HMCN1: variants seen among roughly 807,000 people sequenced by gnomAD.
HMCN1 encodes the protein hemicentin 1, also known as hemicentin-1.
HMCN1 carries 321 observed loss-of-function variants against 625.9 expected under a neutral mutation model. The ratio of observed to expected loss-of-function variants is 0.51; its 90% CI spans 0.47 to 0.56. The LOEUF is 0.56. HMCN1 is among the 20% of genes least tolerant of loss of function. The pLI, the probability that HMCN1 is intolerant of heterozygous loss-of-function variation, is 0.00. For synonymous variants in HMCN1, 2,425 were observed against 2,417.6 expected (o/e 1.00, Z -0.09); for missense variants, 6,588 against 6,887.3 (o/e 0.96, Z 1.54).
rs563634091 is a variant in HMCN1, at chr1:185,865,715, GTTTCT to G, written c.499-22_499-18del. The G allele has an allele frequency of 6.2e-3, 9,392 of 1,524,810 alleles. 379 individuals carry two copies. The highest frequency in any genetic ancestry group is 0.012 in the Middle Eastern group (69 of 5,750). The allele number at this position is 1,524,810 out of a possible 1,614,324, so 94.5% of individuals were successfully genotyped here. ...TTTATTTCTGGAAACCCTTTACACT[GTTTCT>G]TTTTTTTTTTTTAATCATAGGTCGT... On this transcript the variant is annotated intron_variant, in intron 3 of 106. Coordinates refer to ENST00000271588, the MANE Select transcript of HMCN1 (RefSeq NM_031935.3).
intron 3 of HMCN1, 56 bp downstream of exon 3, chr1:185,864,684 C>T (rs1663072003): frequency 1.3e-6 from 2 of 1,526,042 alleles, no homozygotes; most frequent in Non-Finnish European, 9.1e-7. Context: ...TAAGAGATTG[C>T]CTGTCCTCTT....
chr1:185,809,523 T>A (rs12164583), intron 1 of HMCN1, among the ~76,000 whole-genome samples: 8,863 of 151,602 alleles, frequency 0.058, 868 homozygotes, highest in African/African-American at 0.2. Context: ...TATATATATA[T>A]AATTAATATT....
At chr1:186,077,674 C>A (rs370493916) in intron 54 of HMCN1, among the ~76,000 whole-genome samples, 3 of 152,230 alleles carry the variant, frequency 2.0e-5, no homozygotes, top group African/African-American at 7.2e-5. Flanking sequence ...ATACAGCTAT[C>A]CTCATAAGAA....
chr1:186,024,727 A>C (rs1654949510), intron 36 of HMCN1, among the ~76,000 whole-genome samples: 2 of 152,206 alleles, frequency 1.3e-5, no homozygotes, highest in Non-Finnish European at 2.9e-5. Context: ...AATAAATGTT[A>C]GCAGCTAACT....
chr1:185,820,436 C>G (rs1430971461), intron 1 of HMCN1, among the ~76,000 whole-genome samples: 1 of 152,032 alleles, frequency 6.6e-6, no homozygotes, highest in Non-Finnish European at 1.5e-5. Flanking sequence ...AAATAAGAAG[C>G]TGAGACAGCC....
intron 4 of HMCN1, among the ~76,000 whole-genome samples, chr1:185,875,782 G>T (rs1278468611): frequency 6.6e-6 from 1 of 151,882 alleles, no homozygotes; most frequent in Non-Finnish European, 1.5e-5. Flanking sequence ...TTGATATCAT[G>T]ATTCAGTTAT....
intron 14 of HMCN1, among the ~76,000 whole-genome samples, chr1:185,967,231 C>T (rs989239534): frequency 3.4e-4 from 52 of 152,088 alleles, no homozygotes; most frequent in African/African-American, 1.2e-3. Flanking sequence ...GTGTATATAG[C>T]AGAGTCTCAC....
chr1:186,173,783 A>T (rs1262663630), intron 102 of HMCN1, among the ~76,000 whole-genome samples: 4 of 152,188 alleles, frequency 2.6e-5, no homozygotes, highest in Non-Finnish European at 4.4e-5. Context: ...TTGAAAGATC[A>T]GAAACTTTTT....
rs1478960911 is a variant in HMCN1, at chr1:186,115,355, A to T, written c.11502A>T (p.Ser3834=). The T allele has an allele frequency of 6.2e-7, 1 of 1,614,004 alleles. No homozygotes were observed. Among genetic ancestry groups the T allele is most frequent in the Admixed American group, 1.7e-5 (1 of 60,022 alleles). The change falls in exon 75 of 107, where the codon TCA becomes TCT. Residue 3834 remains serine (S), a synonymous_variant. Transcript: ENST00000271588. ...AGGCTACTGGGATACCAAAACCATC[A>T]ATCAATTGGAGAAAAAATGGGCATC... ...ACEATGIPKP[S]INWRKNGHLL... is the part of the protein sequence containing the mutation.
intron 18 of HMCN1, 117 bp downstream of exon 18, chr1:185,982,506 T>C (rs568272946): frequency 7.1e-5 from 68 of 962,972 alleles, no homozygotes; most frequent in Non-Finnish European, 1.1e-4. Context: ...AGTGGTGGGA[T>C]CTAGGCTCAC....
intron 10 of HMCN1, 74 bp from the exon 11 acceptor site, chr1:185,933,475 G>T: frequency 5.4e-6 from 8 of 1,481,000 alleles, no homozygotes; most frequent in Non-Finnish European, 6.6e-6. Flanking sequence ...TACTTATTCA[G>T]TTTTTAAACC....
intron 67 of HMCN1, 73 bp downstream of exon 67, chr1:186,094,446 G>T: frequency 9.7e-7 from 1 of 1,029,210 alleles, no homozygotes; most frequent in Non-Finnish European, 1.5e-6. Context: ...TTTAGAAACC[G>T]ACTTCCTCAG....
intron 1 of HMCN1, among the ~76,000 whole-genome samples, chr1:185,835,502 T>G (rs1175917014): frequency 2.0e-5 from 3 of 152,172 alleles, no homozygotes; most frequent in Non-Finnish European, 4.4e-5. Flanking sequence ...ATGTATGTAT[T>G]CTGTCTTGGG....
chr1:186,019,887 G>T (rs1654606650), intron 35 of HMCN1, among the ~76,000 whole-genome samples, 192 bp downstream of exon 35: 1 of 151,942 alleles, frequency 6.6e-6, no homozygotes, highest in Non-Finnish European at 1.5e-5. Context: ...TGGAATTAAA[G>T]ACTAACTTTA....
chr1:186,117,637 CA>C lies in HMCN1; in HGVS notation c.11848+15del, dbSNP rs1321717539. 17 of 1,609,214 alleles carry C rather than the reference CA, an allele frequency of 1.1e-5. No homozygotes were observed. Among genetic ancestry groups the C allele is most frequent in the Non-Finnish European group, 1.3e-5 (15 of 1,175,742 alleles). ...TTCTGTCCTCAGGTAAGACCAAGCT[CA>C]GTGATTTCACATCTATTGATTGTAT... On this transcript the variant is annotated intron_variant, in intron 77 of 106. Coordinates refer to ENST00000271588, the MANE Select transcript of HMCN1 (RefSeq NM_031935.3).
At chr1:185,948,957 G>C (rs542737455) in intron 11 of HMCN1, among the ~76,000 whole-genome samples, 1 of 151,406 alleles carries the variant, frequency 6.6e-6, no homozygotes, top group Non-Finnish European at 1.5e-5. Flanking sequence ...AGCATTTGTC[G>C]TATAGAATGA....
intron 1 of HMCN1, among the ~76,000 whole-genome samples, chr1:185,789,612 A>AATGACAT (rs139853358): frequency 0.03 from 4,606 of 152,212 alleles, 247 homozygotes; most frequent in African/African-American, 0.11. Context: ...CAACCTGATG[A>AATGACAT]ATGACATATG....
chr1:185,764,104 T>C (rs535123192), intron 1 of HMCN1, among the ~76,000 whole-genome samples: 1 of 152,268 alleles, frequency 6.6e-6, no homozygotes, highest in South Asian at 2.1e-4. Flanking sequence ...TTTACAACTC[T>C]CTTAACCAAC....
chr1:185,994,901 C>T lies in HMCN1; in HGVS notation c.3592C>T (p.Pro1198Ser). 6.2e-7 allele frequency: 1 copy of T among 1,613,820 alleles called. No individual in the cohort carries two copies. Among genetic ancestry groups the T allele is most frequent in the Non-Finnish European group, 8.5e-7 (1 of 1,179,794 alleles). Residue 1198 changes from proline (P) to serine (S), a missense_variant, in exon 24 of 107, where the codon CCT becomes TCT. Physicochemically the swap from Pro to Ser is moderately conservative, Grantham distance 74. This residue lies in a region of HMCN1 where 4,628 missense variants were observed against 4,853.1 expected (regional missense o/e 0.95). Coordinates refer to ENST00000271588, the MANE Select transcript of HMCN1 (RefSeq NM_031935.3). Reference sequence around the variant, plus strand: ...TATTCCATGTAATGCTCAAGGGACTCCTCTTCCTGTAATCACCTGGTCCAA... The same window carrying T: ...TATTCCATGTAATGCTCAAGGGACTTCTCTTCCTGTAATCACCTGGTCCAA... ...VDIPCNAQGT[P>S]LPVITWSKGG...
Sources: gnomAD v4.1 joint callset for allele counts (sites outside exome capture counted in the v4.1 genomes callset) on GRCh38, gnomAD v4.1.1 for gene constraint, gnomAD v4.1.1 regional missense constraint, MANE v1.5 for transcripts, NCBI Gene and HGNC (gene_info 2026-07-23, HGNC 2026-07-21) for gene names.